The following ST7L variants were observed in gnomAD, a reference collection of about 807,000 sequenced individuals.
ST7L encodes the protein suppressor of tumorigenicity 7 protein-like.
ST7L carries 57 observed loss-of-function variants against 72.5 expected under a neutral mutation model. That is an observed-to-expected ratio of 0.79 (90% CI 0.64 to 0.98). The LOEUF is 0.98. Among genes scored for constraint, ST7L ranks in the 50% least tolerant of loss-of-function variants. The pLI is 0.00. For synonymous variants in ST7L, 221 were observed against 240.9 expected (o/e 0.92, Z 0.77); for missense variants, 576 against 672.2 (o/e 0.86, Z 1.58).
chr1:112,599,755 G>T (rs1667113106), intron 4 of ST7L, among the ~76,000 whole-genome samples: 3 of 152,090 alleles, frequency 2.0e-5, no homozygotes, highest in Admixed American at 6.6e-5. Context: ...TTTGAAAAAG[G>T]CTTTTTATAA....
chr1:112,540,201 G>A, intron 14 of ST7L: 2 of 985,308 alleles, frequency 2.0e-6, no homozygotes, highest in Non-Finnish European at 2.4e-6. Context: ...CTCCCTCCTT[G>A]CTCTATTTCA....
chr1:112,601,618 A>C (rs2102046238), intron 3 of ST7L, among the ~76,000 whole-genome samples: 1 of 152,298 alleles, frequency 6.6e-6, no homozygotes, highest in Admixed American at 6.5e-5. Context: ...AAGGCTTTAG[A>C]AAGGTGGTGA....
At chr1:112,575,624 C>T (rs1050628756) in intron 11 of ST7L, among the ~76,000 whole-genome samples, 2 of 152,024 alleles carry the variant, frequency 1.3e-5, no homozygotes, top group African/African-American at 2.4e-5. Context: ...CATGTACTAG[C>T]CTGGATGGAG....
Position 112,600,857 on chromosome 1 carries a change from CAAGGGAGAAA to C in ST7L, c.452-19_452-10del. The stretch of plus-strand genomic sequence containing the variant: ...TCTCCATACCTTACATTCTGAAAAA[CAAGGGAGAAA>C]AAGGGGGAAAAAGAGACACTTTAAA... On this transcript the variant is annotated splice_polypyrimidine_tract_variant and intron_variant, in intron 3 of 14. Coordinates refer to ENST00000358039, the MANE Select transcript of ST7L (RefSeq NM_017744.5). 6.2e-7 allele frequency: 1 copy of C among 1,604,744 alleles called. No homozygotes were observed. Among genetic ancestry groups the C allele is most frequent in the Non-Finnish European group, 8.5e-7 (1 of 1,174,888 alleles).
intron 5 of ST7L, 30 bp downstream of exon 5, chr1:112,597,941 G>T: frequency 6.5e-7 from 1 of 1,527,476 alleles, no homozygotes; most frequent in Non-Finnish European, 9.0e-7. Flanking sequence ...CATGATCACT[G>T]TTTATACTAT....
chr1:112,616,888 TAC>T lies in ST7L; in HGVS notation c.211_212del (p.Val71IlefsTer28), dbSNP rs749189446. On this transcript the variant is annotated frameshift_variant, in exon 2 of 15. Transcript: ENST00000358039. LOFTEE classifies it high-confidence loss of function. ...RLCENLAAVT[V>X]FLNSLTPKFY... ...ATTTGGGTGTCAATGAATTTAAAAA[TAC>T]AGTCACTGTCAAAAGAACAAGAATC... is the stretch of plus-strand genomic sequence containing the variant. 3.7e-6 allele frequency: 6 copies of T among 1,601,670 alleles called. No homozygotes were observed. Among genetic ancestry groups the T allele is most frequent in the Admixed American group, 1.8e-5 (1 of 56,994 alleles).
chr1:112,518,916 C>T (rs1652711017), downstream of ST7L, among the ~76,000 whole-genome samples: 1 of 152,220 alleles, frequency 6.6e-6, no homozygotes, highest in Non-Finnish European at 1.5e-5. Context: ...ACAGTAGCAA[C>T]TAGCCACATG....
At chr1:112,617,611 C>T (rs749309555) in intron 1 of ST7L, among the ~76,000 whole-genome samples, 3 of 151,848 alleles carry the variant, frequency 2.0e-5, no homozygotes, top group Non-Finnish European at 2.9e-5. Context: ...ACTTGGGAGG[C>T]TGAGGCCAGA....
intron 11 of ST7L, among the ~76,000 whole-genome samples, chr1:112,558,366 A>G (rs1363418320): frequency 6.6e-6 from 1 of 152,216 alleles, no homozygotes; most frequent in Non-Finnish European, 1.5e-5. Context: ...TACAAGCAAT[A>G]AGACTCTAGG....
intron 14 of ST7L, chr1:112,527,489 C>T (rs1027389559): frequency 6.5e-6 from 1 of 152,764 alleles, no homozygotes; most frequent in Non-Finnish European, 1.5e-5. Flanking sequence ...AGGCCACACA[C>T]CAGATGGAGG....
chr1:112,569,832 C>T (rs1448915432), intron 11 of ST7L, among the ~76,000 whole-genome samples: 1 of 151,892 alleles, frequency 6.6e-6, no homozygotes, highest in Non-Finnish European at 1.5e-5. Flanking sequence ...GTGGCACGCA[C>T]CTGTAGTCCC....
At chr1:112,598,867 C>G (rs1239040252) in intron 4 of ST7L, among the ~76,000 whole-genome samples, 1 of 150,530 alleles carries the variant, frequency 6.6e-6, no homozygotes, top group Non-Finnish European at 1.5e-5. Context: ...TGAGACCAGC[C>G]TGGCCAATAT....
chr1:112,617,716 CT>C (rs1670113943), intron 1 of ST7L, among the ~76,000 whole-genome samples: 1 of 60,082 alleles, frequency 1.7e-5, no homozygotes, highest in Non-Finnish European at 3.1e-5. Flanking sequence ...CTTTCTCTCT[CT>C]CACACACACA....
rs946210557 is a variant in ST7L at position 112,601,543 on chromosome 1, C to T, written c.452-695G>A. ...TACAGGTGTGAGCCACCGCGCCTGG[C>T]CAGACACGTTTTGTTCTAAGAGAAA... is the stretch of plus-strand genomic sequence containing the variant. On this transcript the variant is annotated intron_variant, in intron 3 of 14. Transcript: ENST00000358039. Among the ~76,000 whole-genome samples the T allele has an allele frequency of 3.3e-5, 5 of 151,842 alleles. No individual in the cohort carries two copies. In the East Asian group the frequency reaches 9.7e-4, roughly 29 times the overall value.
chr1:112,540,595 A>G (rs987058873), intron 14 of ST7L: 9 of 985,464 alleles, frequency 9.1e-6, no homozygotes, highest in Non-Finnish European at 1.1e-5. Flanking sequence ...GCCAGTGGCA[A>G]CTTAACACAT....
At chr1:112,551,450 T>C (rs530281545) in intron 12 of ST7L, among the ~76,000 whole-genome samples, 366 of 152,296 alleles carry the variant, frequency 2.4e-3, no homozygotes, top group African/African-American at 8.2e-3. Context: ...GCCCGGCCTA[T>C]GAGCAGATCT....
intron 4 of ST7L, among the ~76,000 whole-genome samples, chr1:112,598,304 C>T (rs4839254): frequency 0.56 from 85,663 of 151,942 alleles, 24,601 homozygotes; most frequent in East Asian, 0.71. Flanking sequence ...ACAACTGCTT[C>T]TGAAAATTGA....
intron 11 of ST7L, among the ~76,000 whole-genome samples, chr1:112,557,815 A>G (rs1297969018): frequency 6.6e-6 from 1 of 152,254 alleles, no homozygotes; most frequent in African/African-American, 2.4e-5. Context: ...CCAAGAGAGC[A>G]TACTGCAGGA....
intron 9 of ST7L, 92 bp from the exon 10 acceptor site, chr1:112,578,509 C>A (rs537693841): frequency 1.3e-5 from 14 of 1,114,754 alleles, no homozygotes; most frequent in South Asian, 1.3e-4. Flanking sequence ...GGCATGGTGG[C>A]TCATGCCTAT....
Sources: allele counts gnomAD v4.1 joint callset (sites outside exome capture counted in the v4.1 genomes callset), GRCh38; gene constraint gnomAD v4.1.1; transcripts MANE v1.5; gene names NCBI Gene and HGNC (gene_info 2026-07-23, HGNC 2026-07-21).